The following TRIM34 variants were observed in gnomAD, a reference collection of about 807,000 sequenced individuals.
The protein encoded by TRIM34 is tripartite motif containing 34, also known as E3 ubiquitin-protein ligase TRIM34.
A neutral mutation model predicts 38.1 loss-of-function variants in TRIM34; 41 were observed. That is an observed-to-expected ratio of 1.08 (90% CI 0.84 to 1.40). The LOEUF is 1.40. TRIM34 is among the 40% of genes most tolerant of loss of function. The pLI, the probability that TRIM34 is intolerant of heterozygous loss-of-function variation, is 0.00. For synonymous variants in TRIM34, 200 were observed against 202.5 expected (o/e 0.99, Z 0.10); for missense variants, 556 against 571.4 (o/e 0.97, Z 0.27).
chr11:5,637,877 T>G (rs1849813610), intron 4 of TRIM34, among the ~76,000 whole-genome samples: 1 of 152,228 alleles, frequency 6.6e-6, no homozygotes. Flanking sequence ...AAGGGTCTGT[T>G]GCATAATGCT....
intron 1 of TRIM34, 106 bp from the exon 2 acceptor site, chr11:5,632,146 ATCT>A: frequency 6.8e-7 from 1 of 1,459,890 alleles, no homozygotes; most frequent in African/African-American, 1.4e-5. Flanking sequence ...TCTCTTCCTC[ATCT>A]TCTTTGTTCT....
chr11:5,634,981 C>A, intron 4 of TRIM34, 120 bp downstream of exon 4: 1 of 1,000,560 alleles, frequency 1.0e-6, no homozygotes, highest in Non-Finnish European at 1.4e-6. Context: ...CCTTGTCGTC[C>A]ATTCTAGATG....
Position 5,632,444 on chromosome 11 carries a change from G to A in TRIM34, c.113G>A (p.Cys38Tyr), listed in dbSNP as rs1479316999. ...LDCGHSLCRACITVSNKEAVT... is the reference protein window; with the variant it reads ...LDCGHSLCRAYITVSNKEAVT... Reference sequence around the variant, plus strand: ...TGTGGCCACAGCCTCTGCCGAGCCTGCATCACTGTGAGCAACAAGGAGGCA... The same window carrying A: ...TGTGGCCACAGCCTCTGCCGAGCCTACATCACTGTGAGCAACAAGGAGGCA... Residue 38 changes from cysteine to tyrosine, a missense_variant, in exon 2 of 8, where the codon TGC becomes TAC. Coordinates refer to ENST00000429814, the MANE Select transcript of TRIM34 (RefSeq NM_021616.6). The A allele has an allele frequency of 3.1e-6, 5 of 1,613,946 alleles. No individual in the cohort carries two copies. Among genetic ancestry groups the A allele is most frequent in the East Asian group, 2.2e-5 (1 of 44,872 alleles).
chr11:5,642,557 G>A (rs377100818), intron 6 of TRIM34, 51 bp downstream of exon 6: 1 of 1,595,092 alleles, frequency 6.3e-7, no homozygotes, highest in Non-Finnish European at 8.6e-7. Context: ...GTGGTGTCAG[G>A]TAATAAACTG....
In TRIM34 at chr11:5,634,752, A is replaced by G. The variant is rs528924303; in HGVS notation, c.641A>G (p.Asp214Gly). 1.1e-5 allele frequency: 18 copies of G among 1,614,140 alleles called. No individual in the cohort carries two copies. In the East Asian group the frequency reaches 1.8e-4, roughly 16 times the overall value. The change falls in exon 4 of 8, where the codon GAT (aspartate) becomes GGT (glycine). Residue 214 changes from aspartate to glycine, a missense_variant. Transcript: ENST00000429814. ...RLEEEEKKTL[D>G]KFAEAEDELV... Reference sequence around the variant, plus strand: ...GAAGAAGAAGAAAAGAAGACGCTGGATAAGTTTGCAGAGGCTGAGGATGAG... The same window carrying G: ...GAAGAAGAAGAAAAGAAGACGCTGGGTAAGTTTGCAGAGGCTGAGGATGAG...
chr11:5,625,878 T>G (rs1042913564), intron 1 of TRIM34, among the ~76,000 whole-genome samples: 2 of 152,258 alleles, frequency 1.3e-5, no homozygotes, highest in Non-Finnish European at 2.9e-5. Context: ...GTTATTGCTT[T>G]TCTTTGCTCA....
chr11:5,629,853 G>A (rs1342415667), intron 1 of TRIM34, among the ~76,000 whole-genome samples: 5 of 152,112 alleles, frequency 3.3e-5, no homozygotes, highest in Non-Finnish European at 5.9e-5. Context: ...GACTACAGGC[G>A]CCCGCCGCCA....
intron 1 of TRIM34, among the ~76,000 whole-genome samples, chr11:5,629,528 T>C (rs1198272284): frequency 2.0e-5 from 3 of 152,188 alleles, no homozygotes; most frequent in East Asian, 1.9e-4. Context: ...GTTCTGAGAA[T>C]TGGCATTGTA....
upstream of TRIM34, among the ~76,000 whole-genome samples, chr11:5,621,480 C>G (rs1219212594): frequency 6.6e-6 from 1 of 152,228 alleles, no homozygotes; most frequent in Non-Finnish European, 1.5e-5. Context: ...AATGACTAAA[C>G]TTGCTCATTT....
At chr11:5,643,074 A>G in intron 7 of TRIM34, 70 bp from the exon 8 acceptor site, 1 of 1,279,700 alleles carries the variant, frequency 7.8e-7, no homozygotes, top group South Asian at 1.9e-5. Context: ...CATATCTGTC[A>G]CCTAATCATA....
At chr11:5,641,047 G>T (rs535019708) in intron 4 of TRIM34, 120 bp from the exon 5 acceptor site, 6 of 1,358,710 alleles carry the variant, frequency 4.4e-6, no homozygotes, top group East Asian at 2.6e-5. Flanking sequence ...CAATTTTGTT[G>T]ACATTTTCAT....
chr11:5,625,394 C>G (rs1849163566), intron 1 of TRIM34, among the ~76,000 whole-genome samples: 1 of 152,204 alleles, frequency 6.6e-6, no homozygotes, highest in Non-Finnish European at 1.5e-5. Context: ...CTCTCTTTCT[C>G]TCTCTCAAAG....
chr11:5,642,389 AT>A lies in TRIM34; in HGVS notation c.774-10del, dbSNP rs746864618. 1.6e-5 allele frequency: 26 copies of A among 1,609,354 alleles called. No individual in the cohort carries two copies. The highest frequency in any genetic ancestry group is 5.5e-5 in the South Asian group (5 of 90,648). ...GGATGAGAGATGTGGGGGTCAAAAAATTTTTTTCATCCCTAGGAGTGAGATC... is the reference window on the plus strand; with the variant it reads ...GGATGAGAGATGTGGGGGTCAAAAAATTTTTTCATCCCTAGGAGTGAGATC... On this transcript the variant is annotated splice_polypyrimidine_tract_variant and intron_variant, in intron 5 of 7. Coordinates refer to ENST00000429814, the MANE Select transcript of TRIM34 (RefSeq NM_021616.6).
intron 1 of TRIM34, among the ~76,000 whole-genome samples, chr11:5,629,138 G>C (rs1208963706): frequency 6.6e-6 from 1 of 152,104 alleles, no homozygotes; most frequent in Non-Finnish European, 1.5e-5. Flanking sequence ...TTAGTTGGGC[G>C]TGGTGGCATA....
intron 1 of TRIM34, among the ~76,000 whole-genome samples, chr11:5,625,836 C>T (rs1849193154): frequency 6.6e-6 from 1 of 152,220 alleles, no homozygotes; most frequent in African/African-American, 2.4e-5. Context: ...TCCTCTTAGA[C>T]ACACCTTGGC....
intron 5 of TRIM34, 39 bp from the exon 6 acceptor site, chr11:5,642,367 T>G: frequency 3.8e-6 from 6 of 1,571,932 alleles, no homozygotes; most frequent in Non-Finnish European, 5.2e-6. Context: ...GGACACAGGA[T>G]GAGAGATGTG....
upstream of TRIM34, among the ~76,000 whole-genome samples, chr11:5,624,663 A>G (rs980014690): frequency 2.6e-5 from 4 of 152,226 alleles, no homozygotes; most frequent in African/African-American, 2.4e-5. Flanking sequence ...GAACTGTCCC[A>G]TACATTGTAG....
At chr11:5,622,990 A>T (rs1225833115), upstream of TRIM34, among the ~76,000 whole-genome samples, 1 of 152,188 alleles carries the variant, frequency 6.6e-6, no homozygotes, top group East Asian at 1.9e-4. Context: ...GGGGGTTTCC[A>T]GGTCATAGGT....
rs371652236 is a variant in TRIM34, at chr11:5,634,879, A to G, written c.750+18A>G. On this transcript the variant is annotated intron_variant, in intron 4 of 7. Transcript: ENST00000429814. ...TGCTGCAGGTAAGAAGGTTCGCTCA[A>G]TCTGAGATTCTGGGAACACAGTTCC... The G allele has an allele frequency of 2.8e-5, 45 of 1,606,280 alleles. No homozygotes were observed. In the African/African-American group the frequency reaches 4.5e-4, roughly 16 times the overall value.
Sources: allele counts gnomAD v4.1 joint callset (sites outside exome capture counted in the v4.1 genomes callset), GRCh38; gene constraint gnomAD v4.1.1; transcripts MANE v1.5; gene names NCBI Gene and HGNC (gene_info 2026-07-23, HGNC 2026-07-21).